RAB2A: variants seen among roughly 807,000 people sequenced by gnomAD.
The protein encoded by RAB2A is RAB2A, member RAS oncogene family, also known as ras-related protein Rab-2A.
A neutral mutation model predicts 32.5 loss-of-function variants in RAB2A; 7 were observed. The ratio of observed to expected loss-of-function variants is 0.22; its 90% confidence interval spans 0.12 to 0.40. The LOEUF is 0.40. Among genes scored for constraint, RAB2A ranks in the 10% least tolerant of loss-of-function variants. The pLI is 1.00. For synonymous variants in RAB2A, 79 were observed against 85.2 expected (o/e 0.93, Z 0.40); for missense variants, 108 against 260.7 (o/e 0.41, Z 4.03).
At chr8:60,531,818 T>TTTG (rs1041649323) in intron 1 of RAB2A, among the ~76,000 whole-genome samples, 2 of 151,456 alleles carry the variant, frequency 1.3e-5, no homozygotes, top group Non-Finnish European at 2.9e-5. Context: ...TTTTTTTTTT[T>TTTG]TAACACGGAT....
At chr8:60,560,405 T>A (rs961586471) in intron 2 of RAB2A, among the ~76,000 whole-genome samples, 5 of 152,190 alleles carry the variant, frequency 3.3e-5, no homozygotes, top group African/African-American at 1.2e-4. Flanking sequence ...TGAGCTCTCT[T>A]CGCTGCCCTC....
intron 2 of RAB2A, among the ~76,000 whole-genome samples, chr8:60,563,696 A>G (rs973811877): frequency 8.5e-5 from 13 of 152,280 alleles, no homozygotes; most frequent in South Asian, 2.1e-4. Context: ...GCATTTGACT[A>G]TTTGACTTTG....
chr8:60,560,004 C>G (rs1807996745), intron 2 of RAB2A, among the ~76,000 whole-genome samples: 1 of 152,138 alleles, frequency 6.6e-6, no homozygotes, highest in South Asian at 2.1e-4. Context: ...TATCCGTATT[C>G]TATTTTACTT....
At chr8:60,585,444 C>G (rs940948342) in intron 5 of RAB2A, among the ~76,000 whole-genome samples, 5 of 152,034 alleles carry the variant, frequency 3.3e-5, no homozygotes, top group Non-Finnish European at 7.4e-5. Context: ...TCCAAAGTGG[C>G]TGAGACTGTA....
At position 60,622,148 on chromosome 8, in the gene RAB2A, C is replaced by T. The variant is rs1379509969; in HGVS notation, c.*1379C>T. The T allele has an allele frequency of 6.6e-6, 1 of 152,262 alleles. No individual in the cohort carries two copies. The highest frequency in any genetic ancestry group is 2.4e-5 in the African/African-American group (1 of 41,534). 9.4% of individuals were successfully genotyped at this position (152,262 alleles called of 1,614,324 possible). ...AAAATTTTGCTAAAATGCGACAAAT[C>T]TCACCATACTGAAATTATTTTTGTT... On this transcript the variant is annotated 3_prime_UTR_variant, in exon 8 of 8. Transcript: ENST00000262646.
At position 60,601,494 on chromosome 8, in the gene RAB2A, C is replaced by T. The variant is rs576383934; in HGVS notation, c.474+9525C>T. ...ATGGGACTACAGGCATGTGCCACCA[C>T]GCCTGGCTAATTTTTGTACTTCTAG... On this transcript the variant is annotated intron_variant, in intron 6 of 7. Transcript: ENST00000262646. 1.1e-4 allele frequency among the ~76,000 whole-genome samples: 17 copies of T among 152,278 alleles called. 1 individual carries two copies. Among genetic ancestry groups the T allele is most frequent in the South Asian group, 4.1e-4 (2 of 4,824 alleles).
chr8:60,551,449 T>C (rs1486930075), intron 1 of RAB2A, among the ~76,000 whole-genome samples: 1 of 152,226 alleles, frequency 6.6e-6, no homozygotes, highest in Non-Finnish European at 1.5e-5. Flanking sequence ...TTTTTGAAAC[T>C]TTACTATGTG....
chr8:60,581,646 G>A (rs1370238240), intron 3 of RAB2A, among the ~76,000 whole-genome samples: 7 of 152,120 alleles, frequency 4.6e-5, no homozygotes. Context: ...AATCCCTAAA[G>A]ATCTAGTCCT....
At chr8:60,561,689 G>A (rs749050294) in intron 2 of RAB2A, among the ~76,000 whole-genome samples, 15 of 152,162 alleles carry the variant, frequency 9.9e-5, no homozygotes, top group Non-Finnish European at 1.9e-4. Context: ...TCCTAGGGAC[G>A]AGAGTTCATT....
chr8:60,572,074 T>C lies in RAB2A; in HGVS notation c.147T>C (p.Thr49=). 1 of 1,605,780 alleles carries C rather than the reference T, an allele frequency of 6.2e-7. No individual in the cohort carries two copies. Among genetic ancestry groups the C allele is most frequent in the Non-Finnish European group, 8.5e-7 (1 of 1,174,988 alleles). The change falls in exon 3 of 8, where the codon ACT becomes ACC. Residue 49 remains threonine (T), a synonymous_variant. Transcript: ENST00000262646. The part of the protein sequence containing the change: ...IGVEFGARMI[T]IDGKQIKLQI... ...TAGAGTTCGGTGCTCGAATGATAAC[T>C]ATTGATGGGAAACAGATAAAACTTC...
At chr8:60,580,418 A>G (rs1313928417) in intron 3 of RAB2A, among the ~76,000 whole-genome samples, 1 of 152,196 alleles carries the variant, frequency 6.6e-6, no homozygotes, top group Non-Finnish European at 1.5e-5. Flanking sequence ...GCCATAATAA[A>G]AAAAAAAACT....
chr8:60,607,266 A>T (rs1391554896), intron 6 of RAB2A, among the ~76,000 whole-genome samples: 1 of 151,118 alleles, frequency 6.6e-6, no homozygotes, highest in African/African-American at 2.4e-5. Flanking sequence ...TGTCTCTACT[A>T]AAAATACAAA....
At chr8:60,575,584 C>G (rs761554720) in intron 3 of RAB2A, among the ~76,000 whole-genome samples, 64 of 151,600 alleles carry the variant, frequency 4.2e-4, no homozygotes, top group Non-Finnish European at 8.5e-4. Context: ...GAAAATTAGC[C>G]AAATGTTATT....
chr8:60,521,761 C>T (rs919223371), intron 1 of RAB2A, among the ~76,000 whole-genome samples: 3 of 152,140 alleles, frequency 2.0e-5, no homozygotes, highest in Admixed American at 1.3e-4. Context: ...GCTGGGATTA[C>T]AGGCGTCTGC....
In RAB2A at chr8:60,542,221, A is replaced by G. The variant is rs183370693; in HGVS notation, c.47-16631A>G. ...AAAGAAGTCGCTGGTTATTAGAGAAAGAACACTGAATAGGCTGGGTGCAGT... is the reference window on the plus strand; with the variant it reads ...AAAGAAGTCGCTGGTTATTAGAGAAGGAACACTGAATAGGCTGGGTGCAGT... On this transcript the variant is annotated intron_variant, in intron 1 of 7. Transcript: ENST00000262646. 7.9e-5 allele frequency among the ~76,000 whole-genome samples: 12 copies of G among 152,314 alleles called. No homozygotes were observed. The East Asian group carries it at 2.3e-3, about 29-fold the overall frequency.
At chr8:60,601,355 T>TA in intron 6 of RAB2A, among the ~76,000 whole-genome samples, 1 of 152,170 alleles carries the variant, frequency 6.6e-6, no homozygotes, top group East Asian at 1.9e-4. Context: ...TCTTTTTTTT[T>TA]TTGAGATGGA....
In RAB2A at chr8:60,623,415, A is replaced by T. The variant is rs963097364; in HGVS notation, c.*2646A>T. 1.6e-4 allele frequency: 24 copies of T among 152,220 alleles called. 1 individual carries two copies. 9.4% of individuals were successfully genotyped at this position (152,220 alleles called of 1,614,324 possible). ...ACACCTTAAACATTTATTCTGTCAT[A>T]GATAGTAAAGCCCCATCTCAGTTTA... On this transcript the variant is annotated 3_prime_UTR_variant, in exon 8 of 8. Transcript: ENST00000262646.
intron 3 of RAB2A, among the ~76,000 whole-genome samples, chr8:60,577,810 T>C (rs1803667770): frequency 7.2e-6 from 1 of 139,112 alleles, no homozygotes; most frequent in African/African-American, 2.9e-5. Flanking sequence ...TTTTTTTTTT[T>C]TTTTTGGATT....
rs564792653 is a variant in RAB2A at position 60,560,115 on chromosome 8, A to G, written c.118+1192A>G. On this transcript the variant is annotated intron_variant, in intron 2 of 7. Transcript: ENST00000262646. ...CATTTTGTTTTGTTTTTTGAGAAAG[A>G]GTCTCGTTTTGTAGACTAGAGTGAG... Among the ~76,000 whole-genome samples the G allele has an allele frequency of 5.1e-5, 7 of 138,494 alleles. No individual in the cohort carries two copies. In the South Asian group the frequency reaches 1.7e-3, roughly 33 times the overall value. 90.9% of individuals were successfully genotyped at this position (138,494 alleles called of 152,430 possible).
Sources: gnomAD v4.1 joint callset for allele counts (sites outside exome capture counted in the v4.1 genomes callset) on GRCh38, gnomAD v4.1.1 for gene constraint, MANE v1.5 for transcripts, NCBI Gene and HGNC (gene_info 2026-07-23, HGNC 2026-07-21) for gene names.